ZNF536: variants seen among roughly 807,000 people sequenced by gnomAD.
ZNF536 encodes zinc finger protein 536.
A neutral mutation model predicts 84.5 loss-of-function variants in ZNF536; 13 were observed. That is an observed-to-expected ratio of 0.15 (90% confidence interval 0.10 to 0.24). The LOEUF (loss-of-function observed/expected upper bound fraction) is 0.24. Ranked by LOEUF, ZNF536 falls within the 10% of genes least tolerant of loss-of-function variation. The pLI, the probability that ZNF536 is intolerant of heterozygous loss-of-function variation, is 1.00. For synonymous variants in ZNF536, 811 were observed against 742.5 expected, an observed-to-expected ratio of 1.09 and a Z score of -1.50; for missense variants, 1,536 against 1,747.5, an observed-to-expected ratio of 0.88 and a Z score of 2.16.
intron 1 of ZNF536, among the ~76,000 whole-genome samples, chr19:30,660,840 G>A (rs1362815160): frequency 2.0e-5 from 3 of 152,198 alleles, no homozygotes; most frequent in Admixed American, 6.5e-5. Context: ...CAATGGTGAT[G>A]TTCATTTTAT....
chr19:30,611,964 T>G (rs190416070), intron 1 of ZNF536, among the ~76,000 whole-genome samples: 1 of 152,320 alleles, frequency 6.6e-6, no homozygotes, highest in East Asian at 1.9e-4. Context: ...AAGGCTCCTG[T>G]GCACGGATCT....
intron 1 of ZNF536, among the ~76,000 whole-genome samples, chr19:30,670,752 C>G (rs2050518042): frequency 6.6e-6 from 1 of 152,206 alleles, no homozygotes; most frequent in Non-Finnish European, 1.5e-5. Flanking sequence ...TTGCCCACGC[C>G]CTTCAGGCAG....
At chr19:30,471,068 A>C (rs1658275938) in intron 2 of ZNF536, among the ~76,000 whole-genome samples, 1 of 147,456 alleles carries the variant, frequency 6.8e-6, no homozygotes, top group Non-Finnish European at 1.5e-5. Flanking sequence ...CAATCCTCCC[A>C]CCTCGTCCTC....
At chr19:30,616,041 C>T (rs559686969) in intron 1 of ZNF536, among the ~76,000 whole-genome samples, 38 of 152,316 alleles carry the variant, frequency 2.5e-4, no homozygotes, top group African/African-American at 7.5e-4. Context: ...AACCAGCCAC[C>T]TTGTTAAATT....
At chr19:30,687,374 T>C (rs2051231857) in intron 1 of ZNF536, among the ~76,000 whole-genome samples, 1 of 152,206 alleles carries the variant, frequency 6.6e-6, no homozygotes, top group Non-Finnish European at 1.5e-5. Context: ...TGGGCTCCCT[T>C]CTTAGTGTAC....
At chr19:30,530,065 G>A (rs1018899265) in intron 2 of ZNF536, among the ~76,000 whole-genome samples, 17 of 152,170 alleles carry the variant, frequency 1.1e-4, no homozygotes, top group Admixed American at 2.0e-4. Flanking sequence ...CCCCTCCAGG[G>A]ACATCTCAGT....
intron 2 of ZNF536, among the ~76,000 whole-genome samples, chr19:30,344,123 C>T (rs2047652472): frequency 6.6e-6 from 1 of 151,304 alleles, no homozygotes; most frequent in South Asian, 2.1e-4. Context: ...CCTGTGGTTT[C>T]CCACCCCTAG....
chr19:30,243,256 A>G (rs2144907761), intron 1 of ZNF536, among the ~76,000 whole-genome samples: 1 of 152,268 alleles, frequency 6.6e-6, no homozygotes, highest in African/African-American at 2.4e-5. Context: ...TATGTTGGCA[A>G]TTGTCCACTC....
chr19:30,385,808 T>C (rs935749213), intron 1 of ZNF536, among the ~76,000 whole-genome samples: 2 of 152,190 alleles, frequency 1.3e-5, no homozygotes, highest in African/African-American at 4.8e-5. Flanking sequence ...GAAATCTGCA[T>C]GTGCGCACTG....
At chr19:30,290,453 G>A (rs2045797947) in intron 2 of ZNF536, among the ~76,000 whole-genome samples, 1 of 151,986 alleles carries the variant, frequency 6.6e-6, no homozygotes, top group African/African-American at 2.4e-5. Context: ...AAATTTTTTT[G>A]TAGATATGGG....
intron 1 of ZNF536, among the ~76,000 whole-genome samples, chr19:30,596,780 G>A (rs2047480319): frequency 1.3e-5 from 2 of 152,026 alleles, no homozygotes; most frequent in African/African-American, 2.4e-5. Context: ...GTGTGGGAGG[G>A]GGGTTCTGAT....
At chr19:30,535,325 C>T (rs772477809) in intron 3 of ZNF536, among the ~76,000 whole-genome samples, 5 of 152,160 alleles carry the variant, frequency 3.3e-5, no homozygotes, top group Non-Finnish European at 5.9e-5. Flanking sequence ...CCTCCCCAGG[C>T]GCCTGTATGA....
intron 2 of ZNF536, among the ~76,000 whole-genome samples, chr19:30,308,388 A>G (rs1344519831): frequency 6.6e-6 from 1 of 152,134 alleles, no homozygotes; most frequent in Non-Finnish European, 1.5e-5. Context: ...TTCTTGAAAC[A>G]AAGAGGATTA....
At chr19:30,536,376 C>G (rs1000961173) in intron 3 of ZNF536, among the ~76,000 whole-genome samples, 1 of 152,140 alleles carries the variant, frequency 6.6e-6, no homozygotes, top group Non-Finnish European at 1.5e-5. Context: ...ACTATCCCAC[C>G]TAAAACAGCC....
chr19:30,279,795 G>C (rs2045371531), intron 1 of ZNF536, among the ~76,000 whole-genome samples: 1 of 152,222 alleles, frequency 6.6e-6, no homozygotes, highest in South Asian at 2.1e-4. Context: ...GCACCCAGCT[G>C]TTTCCCCTCT....
intron 1 of ZNF536, among the ~76,000 whole-genome samples, chr19:30,581,216 G>A (rs535234050): frequency 7.9e-5 from 12 of 152,324 alleles, no homozygotes; most frequent in Non-Finnish European, 1.2e-4. Context: ...AGTGGCTCCC[G>A]CCTGTAATCC....
At chr19:30,340,590 G>A (rs769743463) in intron 2 of ZNF536, among the ~76,000 whole-genome samples, 3 of 152,058 alleles carry the variant, frequency 2.0e-5, no homozygotes, top group Admixed American at 1.3e-4. Context: ...AGGCACCTTC[G>A]CATCCCCGTG....
intron 1 of ZNF536, among the ~76,000 whole-genome samples, chr19:30,398,761 G>T (rs2049927033): frequency 6.6e-6 from 1 of 152,082 alleles, no homozygotes; most frequent in Non-Finnish European, 1.5e-5. Flanking sequence ...CTTTTTTATG[G>T]CTGCATAGTA....
At chr19:30,249,443 G>A (rs1245078363) in intron 1 of ZNF536, among the ~76,000 whole-genome samples, 1 of 152,078 alleles carries the variant, frequency 6.6e-6, no homozygotes, top group Non-Finnish European at 1.5e-5. Flanking sequence ...AACTTCCCTT[G>A]CATTGTTTTT....
Sources: allele counts gnomAD v4.1 joint callset (sites outside exome capture counted in the v4.1 genomes callset), GRCh38; gene constraint gnomAD v4.1.1; transcripts MANE v1.5; gene names NCBI Gene and HGNC (gene_info 2026-07-23, HGNC 2026-07-21).